IMPG1: variants seen among roughly 807,000 people sequenced by gnomAD.
The protein encoded by IMPG1 is interphotoreceptor matrix proteoglycan of 150 kDa.
In IMPG1, 85 loss-of-function variants were observed where a neutral mutation model predicts 92.0. That is an observed-to-expected ratio of 0.92 (90% CI 0.78 to 1.11). The LOEUF (loss-of-function observed/expected upper bound fraction) is 1.11. Ranked by LOEUF, IMPG1 falls within the 50% of genes least tolerant of loss-of-function variation. IMPG1 has a pLI of 0.00. For missense variants in IMPG1, 1,022 were observed against 956.0 expected (o/e 1.07, Z -0.91); for synonymous variants, 367 against 334.1 (o/e 1.10, Z -1.08).
chr6:76,043,861 T>C (rs545400338), intron 1 of IMPG1, among the ~76,000 whole-genome samples: 2 of 152,324 alleles, frequency 1.3e-5, no homozygotes, highest in African/African-American at 4.8e-5. Flanking sequence ...CGGGCAGGCT[T>C]CCATCAAATT....
At chr6:76,039,602 T>A (rs775782930) in intron 2 of IMPG1, among the ~76,000 whole-genome samples, 6 of 152,184 alleles carry the variant, frequency 3.9e-5, no homozygotes, top group Non-Finnish European at 5.9e-5. Flanking sequence ...GTGATCTGCC[T>A]ACCTCGGTCT....
intron 4 of IMPG1, among the ~76,000 whole-genome samples, chr6:76,033,797 AG>A (rs1195890042): frequency 3.9e-5 from 6 of 152,206 alleles, no homozygotes. Context: ...AATCTAATGA[AG>A]TTTTCCTTTT....
intron 2 of IMPG1, among the ~76,000 whole-genome samples, chr6:76,038,150 G>A (rs1010351030): frequency 2.4e-4 from 36 of 152,054 alleles, no homozygotes; most frequent in African/African-American, 6.5e-4. Context: ...ATATGGCTGC[G>A]GGGACTGAGG....
intron 12 of IMPG1, among the ~76,000 whole-genome samples, chr6:75,968,855 T>C (rs1782354752): frequency 6.6e-6 from 1 of 152,184 alleles, no homozygotes; most frequent in Non-Finnish European, 1.5e-5. Context: ...CCTTGGACTT[T>C]CCAGCCTCCA....
At chr6:76,047,604 C>T (rs1389625627) in intron 1 of IMPG1, among the ~76,000 whole-genome samples, 1 of 152,092 alleles carries the variant, frequency 6.6e-6, no homozygotes, top group African/African-American at 2.4e-5. Flanking sequence ...TGTAATCTTG[C>T]CCTCCCCTCT....
At chr6:76,014,532 C>T (rs1783248795) in intron 7 of IMPG1, among the ~76,000 whole-genome samples, 1 of 152,172 alleles carries the variant, frequency 6.6e-6, no homozygotes, top group Admixed American at 6.5e-5. Flanking sequence ...TCTGCTGTGG[C>T]TTCCTAGGAC....
intron 12 of IMPG1, among the ~76,000 whole-genome samples, chr6:75,998,707 A>T (rs917200755): frequency 1.3e-5 from 2 of 152,174 alleles, no homozygotes; most frequent in Non-Finnish European, 2.9e-5. Context: ...CTAAAAGAGA[A>T]ATGTATTGCC....
At position 75,951,069 on chromosome 6, in the gene IMPG1, C is replaced by T. The variant is rs61740525; in HGVS notation, c.1317G>A (p.Met439Ile). The change falls in exon 13 of 17, where the codon ATG becomes ATA. Residue 439 changes from methionine (M) to isoleucine (I), a missense_variant. Around this residue, in one of 3 missense-constraint regions of IMPG1, gnomAD observed 681 missense variants for 583.6 expected, o/e 1.17. Transcript: ENST00000369950. ...LPDTSWSPPA[M>I]ASTSLSEAPP... Reference sequence around the variant, plus strand: ...GAGCTTCTGACAGGGAGGTAGAGGCCATAGCAGGTGGAGACCAAGAAGTGT... The same window carrying T: ...GAGCTTCTGACAGGGAGGTAGAGGCTATAGCAGGTGGAGACCAAGAAGTGT... 1,045 of 1,612,042 alleles carry T rather than the reference C, an allele frequency of 6.5e-4. 6 individuals are homozygous for T. In the African/African-American group the frequency reaches 0.01, roughly 16 times the overall value.
intron 2 of IMPG1, among the ~76,000 whole-genome samples, chr6:76,039,957 C>T (rs984931897): frequency 1.3e-5 from 2 of 152,184 alleles, no homozygotes; most frequent in Admixed American, 6.5e-5. Flanking sequence ...GCTTTCTCTC[C>T]TAAGTTTGAA....
chr6:75,948,074 C>T (rs758899320), intron 13 of IMPG1, among the ~76,000 whole-genome samples: 1 of 152,202 alleles, frequency 6.6e-6, no homozygotes, highest in African/African-American at 2.4e-5. Flanking sequence ...AGGAAACTGG[C>T]AGTTAGGAGA....
chr6:76,012,466 A>T (rs1783202637), intron 7 of IMPG1, among the ~76,000 whole-genome samples: 1 of 151,744 alleles, frequency 6.6e-6, no homozygotes, highest in Admixed American at 6.6e-5. Context: ...TCACTCAGTC[A>T]CTCTCTCTTT....
At chr6:76,021,944 C>T (rs565708350) in intron 6 of IMPG1, among the ~76,000 whole-genome samples, 172 bp downstream of exon 6, 1 of 151,502 alleles carries the variant, frequency 6.6e-6, no homozygotes, top group East Asian at 1.9e-4. Flanking sequence ...CCCTCAGTAC[C>T]TAGGAAGAAG....
chr6:76,017,195 CA>C (rs61629486), intron 7 of IMPG1, among the ~76,000 whole-genome samples: 49,976 of 117,654 alleles, frequency 0.42, 8,385 homozygotes, highest in East Asian at 0.54. Context: ...TGGTGAGGCT[CA>C]AAAAAAAAAA....
In IMPG1 at chr6:76,022,220, C is replaced by T. The variant is rs1446011966; in HGVS notation, c.563-1G>A. ...GGCCCAAGTGAGACGTTGGCAACAT[C>T]TGTGAAAATTTTAAAAATTAAAGAC... On this transcript the variant is annotated splice_acceptor_variant, in intron 5 of 16. Coordinates refer to ENST00000369950, the MANE Select transcript of IMPG1 (RefSeq NM_001563.4). LOFTEE classifies it high-confidence loss of function. 1 of 1,564,058 alleles carries T rather than the reference C, an allele frequency of 6.4e-7. No individual in the cohort carries two copies. Among genetic ancestry groups the T allele is most frequent in the South Asian group, 1.1e-5 (1 of 89,734 alleles).
chr6:75,921,128 T>C lies in IMPG1; in HGVS notation c.*961A>G, dbSNP rs1487795843. Reference sequence around the variant, plus strand: ...TAAAAAACCTATGAGTATATCACTTTTACTTTATTGAAATTAAGGTTTGTA... The same window carrying C: ...TAAAAAACCTATGAGTATATCACTTCTACTTTATTGAAATTAAGGTTTGTA... On this transcript the variant is annotated 3_prime_UTR_variant, in exon 17 of 17. Transcript: ENST00000369950. 1 of 152,228 alleles carries C rather than the reference T, an allele frequency of 6.6e-6. No homozygotes were observed. The highest frequency in any genetic ancestry group is 1.5e-5 in the Non-Finnish European group (1 of 68,042). 9.4% of individuals were successfully genotyped at this position (152,228 alleles called of 1,614,324 possible). A position where few individuals can be genotyped will look rare whatever the true frequency, so the allele number is the denominator to read the frequency against.
intron 1 of IMPG1, among the ~76,000 whole-genome samples, chr6:76,071,623 C>A (rs1784404381): frequency 6.6e-6 from 1 of 151,796 alleles, no homozygotes; most frequent in Admixed American, 6.6e-5. Flanking sequence ...TATTCCAAAC[C>A]AATACTTTAG....
intron 4 of IMPG1, among the ~76,000 whole-genome samples, chr6:76,031,917 T>C (rs901063037): frequency 2.0e-5 from 3 of 152,248 alleles, no homozygotes; most frequent in Admixed American, 2.0e-4. Context: ...ATCTATACCA[T>C]CACCGAGGAT....
chr6:76,039,749 T>C (rs1356824258), intron 2 of IMPG1, among the ~76,000 whole-genome samples: 1 of 152,174 alleles, frequency 6.6e-6, no homozygotes, highest in Non-Finnish European at 1.5e-5. Context: ...AAGGGAGGCA[T>C]CTGTATAGCA....
intron 12 of IMPG1, among the ~76,000 whole-genome samples, chr6:75,952,680 C>T (rs1782052068): frequency 1.3e-5 from 2 of 152,180 alleles, no homozygotes; most frequent in South Asian, 2.1e-4. Flanking sequence ...CTCTAATCCC[C>T]AATGTGATGA....
Sources: allele counts gnomAD v4.1 joint callset (sites outside exome capture counted in the v4.1 genomes callset), GRCh38; gene constraint gnomAD v4.1.1; regional missense constraint gnomAD v4.1.1; transcripts MANE v1.5; gene names NCBI Gene and HGNC (gene_info 2026-07-23, HGNC 2026-07-21).